The following LRP1B variants were observed in gnomAD, a reference collection of about 807,000 sequenced individuals.
The protein encoded by LRP1B is low-density lipoprotein receptor-related protein 1B.
In LRP1B, 217 loss-of-function variants were observed where a neutral mutation model predicts 556.6. The observed-to-expected ratio is 0.39, with a 90% CI of 0.35 to 0.44. The LOEUF (loss-of-function observed/expected upper bound fraction) is 0.44. Among genes scored for constraint, LRP1B ranks in the 20% least tolerant of loss-of-function variants. The pLI, the probability that LRP1B is intolerant of heterozygous loss-of-function variation, is 1.00. For missense variants in LRP1B, 5,053 were observed against 5,620.8 expected, an observed-to-expected ratio of 0.90 and a Z score of 3.23; for synonymous variants, 2,047 against 1,865.8, an observed-to-expected ratio of 1.10 and a Z score of -2.50.
At chr2:140,705,957 A>G (rs958181119) in intron 37 of LRP1B, among the ~76,000 whole-genome samples, 1 of 152,194 alleles carries the variant, frequency 6.6e-6, no homozygotes, top group African/African-American at 2.4e-5. Context: ...TTGAAAGTAA[A>G]GAAATGAATG....
At chr2:141,256,009 A>T (rs1402988176) in intron 3 of LRP1B, among the ~76,000 whole-genome samples, 2 of 151,966 alleles carry the variant, frequency 1.3e-5, no homozygotes, top group East Asian at 1.9e-4. Context: ...AAAATTCATT[A>T]AAAAAATTAC....
intron 2 of LRP1B, among the ~76,000 whole-genome samples, chr2:141,736,989 A>G (rs776288712): frequency 9.9e-5 from 15 of 152,276 alleles, no homozygotes; most frequent in Non-Finnish European, 1.8e-4. Context: ...CAATAAAATC[A>G]TACCAAAGGC....
intron 3 of LRP1B, among the ~76,000 whole-genome samples, chr2:141,366,941 C>G (rs1229509696): frequency 1.3e-5 from 2 of 152,182 alleles, no homozygotes; most frequent in Non-Finnish European, 2.9e-5. Context: ...ATTACTCCAT[C>G]TTGAAGATGA....
intron 2 of LRP1B, among the ~76,000 whole-genome samples, chr2:141,546,381 A>C (rs1165310880): frequency 6.6e-6 from 1 of 152,178 alleles, no homozygotes; most frequent in Non-Finnish European, 1.5e-5. Flanking sequence ...CTGGGTATCT[A>C]ACTGCTGATC....
chr2:141,194,980 C>A (rs1482445264), intron 6 of LRP1B, among the ~76,000 whole-genome samples: 1 of 152,054 alleles, frequency 6.6e-6, no homozygotes, highest in Non-Finnish European at 1.5e-5. Flanking sequence ...ATAAGATATA[C>A]AGTAGTTGTG....
intron 41 of LRP1B, among the ~76,000 whole-genome samples, chr2:140,697,406 A>G: frequency 6.6e-6 from 1 of 152,070 alleles, no homozygotes; most frequent in East Asian, 1.9e-4. Context: ...ACTCTATTAT[A>G]TGAATATATA....
intron 2 of LRP1B, among the ~76,000 whole-genome samples, chr2:141,533,811 A>G (rs538848904): frequency 6.6e-6 from 1 of 152,224 alleles, no homozygotes; most frequent in Non-Finnish European, 1.5e-5. Context: ...AACTTACTCC[A>G]TGGTTGTTAA....
intron 7 of LRP1B, among the ~76,000 whole-genome samples, chr2:141,082,599 A>C (rs1231319063): frequency 6.6e-6 from 1 of 152,198 alleles, no homozygotes; most frequent in Non-Finnish European, 1.5e-5. Flanking sequence ...TGTTAAGTGG[A>C]GTGCTATGTT....
At chr2:140,746,720 C>T (rs1688326848) in intron 35 of LRP1B, among the ~76,000 whole-genome samples, 1 of 151,976 alleles carries the variant, frequency 6.6e-6, no homozygotes, top group Non-Finnish European at 1.5e-5. Context: ...GTTGTGCATT[C>T]CTGATTATTT....
chr2:141,816,845 T>C (rs1488338079), intron 1 of LRP1B, among the ~76,000 whole-genome samples: 2 of 152,256 alleles, frequency 1.3e-5, no homozygotes, highest in Middle Eastern at 3.4e-3. Context: ...AACGAGCCTA[T>C]GTTATCAGCT....
chr2:140,588,370 T>C (rs1682072548), intron 43 of LRP1B, among the ~76,000 whole-genome samples: 1 of 152,160 alleles, frequency 6.6e-6, no homozygotes, highest in African/African-American at 2.4e-5. Flanking sequence ...TGTAGACTGA[T>C]AAGTAATGAA....
At chr2:140,772,120 T>C (rs962344676) in intron 33 of LRP1B, among the ~76,000 whole-genome samples, 5 of 152,212 alleles carry the variant, frequency 3.3e-5, no homozygotes, top group African/African-American at 4.8e-5. Context: ...CCATTTTATG[T>C]AGGGCCATTA....
At chr2:141,676,927 A>C (rs2105422649) in intron 2 of LRP1B, among the ~76,000 whole-genome samples, 1 of 152,268 alleles carries the variant, frequency 6.6e-6, no homozygotes, top group South Asian at 2.1e-4. Flanking sequence ...GAGATGCAAA[A>C]CTACTAGAGA....
intron 3 of LRP1B, among the ~76,000 whole-genome samples, chr2:141,424,874 C>T (rs1175862301): frequency 2.0e-5 from 3 of 152,096 alleles, no homozygotes; most frequent in African/African-American, 7.2e-5. Flanking sequence ...ACCTGAATTA[C>T]TTTGAAAATC....
In LRP1B at chr2:141,618,087, A is replaced by T. The variant is rs539842192; in HGVS notation, c.206-137554T>A. 1.7e-4 allele frequency among the ~76,000 whole-genome samples: 26 copies of T among 152,308 alleles called. No individual in the cohort carries two copies. The South Asian group carries it at 5.2e-3, about 30-fold the overall frequency. ...GTTTGCTATATGTGAGTCAATATTCATGCTCTTATGGGCATGTATGTATTT... is the reference window on the plus strand; with the variant it reads ...GTTTGCTATATGTGAGTCAATATTCTTGCTCTTATGGGCATGTATGTATTT... On this transcript the variant is annotated intron_variant, in intron 2 of 90. Transcript: ENST00000389484.
At chr2:140,789,713 C>T (rs1690042583) in intron 32 of LRP1B, among the ~76,000 whole-genome samples, 1 of 140,490 alleles carries the variant, frequency 7.1e-6, no homozygotes, top group East Asian at 2.1e-4. Context: ...TCACTGCAAG[C>T]TCCGCCTCCC....
At chr2:140,278,083 G>A (rs1168364965) in intron 84 of LRP1B, among the ~76,000 whole-genome samples, 2 of 151,390 alleles carry the variant, frequency 1.3e-5, no homozygotes, top group Admixed American at 1.3e-4. Flanking sequence ...CAAAAATATG[G>A]ATGAATCTCA....
At chr2:140,912,038 A>T (rs1311557223) in intron 21 of LRP1B, among the ~76,000 whole-genome samples, 1 of 151,780 alleles carries the variant, frequency 6.6e-6, no homozygotes, top group East Asian at 1.9e-4. Flanking sequence ...GAATACATAG[A>T]TTAAATGAAT....
At chr2:140,321,275 AGTAAT>A (rs953749196) in intron 82 of LRP1B, among the ~76,000 whole-genome samples, 3 of 151,720 alleles carry the variant, frequency 2.0e-5, no homozygotes, top group African/African-American at 7.3e-5. Flanking sequence ...TAGCATCTGA[AGTAAT>A]GTTTCAATTT....
Sources: allele counts gnomAD v4.1 joint callset (sites outside exome capture counted in the v4.1 genomes callset), GRCh38; gene constraint gnomAD v4.1.1; transcripts MANE v1.5; gene names NCBI Gene and HGNC (gene_info 2026-07-23, HGNC 2026-07-21).